ALOX5: variants seen among roughly 807,000 people sequenced by gnomAD.
ALOX5 encodes the protein polyunsaturated fatty acid 5-lipoxygenase.
Under a neutral mutation model 87.9 loss-of-function variants are expected in ALOX5, and 64 were observed. The observed-to-expected ratio is 0.73, with a 90% CI of 0.60 to 0.90. The LOEUF (loss-of-function observed/expected upper bound fraction) is 0.90, where lower values mean the gene tolerates loss of function less well. Among genes scored for constraint, ALOX5 ranks in the 40% least tolerant of loss-of-function variants. ALOX5 has a pLI of 0.00. For missense variants in ALOX5, 822 were observed against 907.5 expected (o/e 0.91, Z 1.21); for synonymous variants, 388 against 355.1 (o/e 1.09, Z -1.04).
At chr10:45,419,949 G>C (rs996063720) in intron 4 of ALOX5, among the ~76,000 whole-genome samples, 4 of 152,160 alleles carry the variant, frequency 2.6e-5, no homozygotes, top group African/African-American at 7.2e-5. Flanking sequence ...GGAAGAGGAG[G>C]GGGCCTGCTG....
At chr10:45,423,403 C>G (rs1331822752) in intron 4 of ALOX5, among the ~76,000 whole-genome samples, 2 of 152,212 alleles carry the variant, frequency 1.3e-5, no homozygotes, top group Admixed American at 6.5e-5. Flanking sequence ...ATGGAGGAAG[C>G]CTGGGAAGTC....
chr10:45,442,713 G>A (rs931552893), intron 9 of ALOX5: 3 of 348,584 alleles, frequency 8.6e-6, no homozygotes, highest in Non-Finnish European at 1.0e-5. Context: ...TCACAGCCCA[G>A]GCCCGCTGGT....
intron 9 of ALOX5, chr10:45,442,783 C>A: frequency 2.1e-6 from 1 of 478,406 alleles, no homozygotes; most frequent in Non-Finnish European, 3.7e-6. Flanking sequence ...GGAGCGCACC[C>A]TTCCCTCTTG....
At chr10:45,420,775 A>C (rs2132792727) in intron 4 of ALOX5, among the ~76,000 whole-genome samples, 2 of 152,374 alleles carry the variant, frequency 1.3e-5, no homozygotes, top group South Asian at 4.1e-4. Flanking sequence ...GTGGCGTAAA[A>C]AATGGAAAAG....
intron 2 of ALOX5, 143 bp from the exon 3 acceptor site, chr10:45,395,712 G>C (rs191315640): frequency 7.8e-6 from 5 of 643,442 alleles, no homozygotes; most frequent in Non-Finnish European, 1.4e-5. Context: ...TCATTAATTG[G>C]GGAAGTGCTC....
intron 2 of ALOX5, among the ~76,000 whole-genome samples, chr10:45,388,014 G>C (rs1191892098): frequency 1.3e-5 from 2 of 152,242 alleles, no homozygotes; most frequent in East Asian, 3.9e-4. Flanking sequence ...AGTGCAAGGA[G>C]TCAGGGAATT....
At position 45,425,539 on chromosome 10, in the gene ALOX5, G is replaced by A. The variant is rs1452273545; in HGVS notation, c.834+407G>A. On this transcript the variant is annotated intron_variant, in intron 6 of 13. Coordinates refer to ENST00000374391, the MANE Select transcript of ALOX5 (RefSeq NM_000698.5). The surrounding 1 kb of genome is among the most constrained non-coding windows in gnomAD (Gnocchi z 4.4). ...CACTGGAGAAAGAAGCAGACCTTGT[G>A]TGAGAATAAAAAAGGGGCACGAGGA... is the stretch of plus-strand genomic sequence containing the variant. 4.6e-5 allele frequency among the ~76,000 whole-genome samples: 7 copies of A among 152,190 alleles called. No individual in the cohort carries two copies. Among genetic ancestry groups the A allele is most frequent in the Non-Finnish European group, 1.0e-4 (7 of 68,040 alleles).
intron 3 of ALOX5, among the ~76,000 whole-genome samples, chr10:45,410,532 C>T (rs1479091225): frequency 1.3e-5 from 2 of 152,104 alleles, no homozygotes. Flanking sequence ...TCTTGTGATC[C>T]TAAGGAGAGG....
chr10:45,407,232 T>C (rs1303958960), intron 3 of ALOX5, among the ~76,000 whole-genome samples: 6 of 152,094 alleles, frequency 3.9e-5, no homozygotes, highest in African/African-American at 1.5e-4. Flanking sequence ...AATCTAATGA[T>C]AGTTTGTTTC....
chr10:45,383,121 A>C (rs1419576032), intron 2 of ALOX5, among the ~76,000 whole-genome samples: 2 of 152,236 alleles, frequency 1.3e-5, no homozygotes, highest in African/African-American at 4.8e-5. Context: ...ATGTGGGCCT[A>C]GGGAGGGAAG....
At position 45,445,748 on chromosome 10, in the gene ALOX5, C is replaced by CCTGGCAGGCTGT; in HGVS notation, c.*67_*78dup. The CCTGGCAGGCTGT allele has an allele frequency of 6.4e-7, 1 of 1,557,500 alleles. No individual in the cohort carries two copies. Among genetic ancestry groups the CCTGGCAGGCTGT allele is most frequent in the Non-Finnish European group, 8.8e-7 (1 of 1,141,224 alleles). ...CCCCAGCCAGATGGACTCCAGCCTG[C>CCTGGCAGGCTGT]CTGGCAGGCTGTCTGGCCAGGCCTC... On this transcript the variant is annotated 3_prime_UTR_variant, in exon 14 of 14. Transcript: ENST00000374391.
intron 2 of ALOX5, among the ~76,000 whole-genome samples, chr10:45,391,698 C>A (rs956274845): frequency 2.2e-4 from 34 of 151,910 alleles, no homozygotes; most frequent in African/African-American, 7.7e-4. Context: ...AGGAGCGTCT[C>A]TGCCCAGCCG....
rs1163543087 is a variant in ALOX5 at position 45,412,260 on chromosome 10, T to C, written c.501T>C (p.Asp167=). 2 of 1,614,080 alleles carry C rather than the reference T, an allele frequency of 1.2e-6. No individual in the cohort carries two copies. Among genetic ancestry groups the C allele is most frequent in the Non-Finnish European group, 1.7e-6 (2 of 1,180,042 alleles). ...AATGCCACAAGGATTTACCCCGTGA[T>C]ATCCAGTTTGATAGTGAAAAAGGAG... ...DAKCHKDLPR[D]IQFDSEKGVD... Residue 167 remains aspartate, a synonymous_variant, in exon 4 of 14, where the codon GAT becomes GAC. Transcript: ENST00000374391.
At chr10:45,444,406 A>G in intron 13 of ALOX5, 120 bp downstream of exon 13, 1 of 1,340,814 alleles carries the variant, frequency 7.5e-7, no homozygotes, top group Non-Finnish European at 9.9e-7. Context: ...CCTGACTTCC[A>G]AGGCTGGAAG....
At chr10:45,408,093 C>G (rs1004748095) in intron 3 of ALOX5, among the ~76,000 whole-genome samples, 2 of 152,124 alleles carry the variant, frequency 1.3e-5, no homozygotes, top group African/African-American at 2.4e-5. Context: ...ATATATTACT[C>G]TCTCTCCTTT....
rs148080753 is a variant in ALOX5, at chr10:45,439,369, G to A, written c.982-1061G>A. On this transcript the variant is annotated intron_variant, in intron 7 of 13. Coordinates refer to ENST00000374391, the MANE Select transcript of ALOX5 (RefSeq NM_000698.5). ...CCAGCCATGACCACTGTGCTGCAGT[G>A]ACACTGGTCTTTCCCAGCACCTAAA... is the stretch of plus-strand genomic sequence containing the variant. Among the ~76,000 whole-genome samples the A allele has an allele frequency of 2.6e-5, 4 of 152,310 alleles. No individual in the cohort carries two copies. The South Asian group carries it at 6.2e-4, about 24-fold the overall frequency.
At chr10:45,444,782 G>A (rs1842383491) in intron 13 of ALOX5, 1 of 159,342 alleles carries the variant, frequency 6.3e-6, no homozygotes, top group East Asian at 1.9e-4. Context: ...CCCGGCCAAT[G>A]TGTTGGTCCC....
chr10:45,376,810 C>T (rs1055103547), intron 1 of ALOX5, among the ~76,000 whole-genome samples: 6 of 152,258 alleles, frequency 3.9e-5, no homozygotes, highest in South Asian at 2.1e-4. Context: ...GTGATTCAGT[C>T]AGGACTGGGA....
intron 4 of ALOX5, among the ~76,000 whole-genome samples, chr10:45,413,292 G>A (rs934131234): frequency 3.3e-5 from 5 of 152,096 alleles, no homozygotes; most frequent in East Asian, 1.9e-4. Flanking sequence ...TTCAACATAC[G>A]CAAATCAATA....
Sources: gnomAD v4.1 joint callset for allele counts (sites outside exome capture counted in the v4.1 genomes callset) on GRCh38, gnomAD v4.1.1 for gene constraint, Gnocchi (gnomAD v3.1) non-coding constraint, MANE v1.5 for transcripts, NCBI Gene and HGNC (gene_info 2026-07-23, HGNC 2026-07-21) for gene names.